Variants in DPYSL5 observed in about 807,000 individuals in gnomAD.
The protein encoded by DPYSL5 is dihydropyrimidinase like 5, also known as dihydropyrimidinase-related protein 5.
In DPYSL5, 9 loss-of-function variants were observed where a neutral mutation model predicts 58.4. The observed-to-expected ratio is 0.15, with a 90% confidence interval of 0.09 to 0.27. DPYSL5 has a LOEUF of 0.27. Ranked by LOEUF, DPYSL5 falls within the 10% of genes least tolerant of loss-of-function variation. The pLI is 1.00. For synonymous variants in DPYSL5, 293 were observed against 301.9 expected (o/e 0.97, Z 0.31); for missense variants, 499 against 770.6 (o/e 0.65, Z 4.17).
intron 1 of DPYSL5, among the ~76,000 whole-genome samples, chr2:26,850,818 T>C (rs1163607303): frequency 6.6e-6 from 1 of 152,196 alleles, no homozygotes; most frequent in Non-Finnish European, 1.5e-5. Context: ...GAGTCAGCAG[T>C]AGGCTATGTC....
chr2:26,909,995 A>G (rs1159224756), intron 2 of DPYSL5, among the ~76,000 whole-genome samples: 1 of 152,138 alleles, frequency 6.6e-6, no homozygotes, highest in Non-Finnish European at 1.5e-5. Context: ...CCATTCCTGA[A>G]AGTTTCTTTG....
chr2:26,891,405 G>T, intron 1 of DPYSL5, among the ~76,000 whole-genome samples: 1 of 152,162 alleles, frequency 6.6e-6, no homozygotes, highest in Non-Finnish European at 1.5e-5. Context: ...GGCCAGAGAG[G>T]TTCCAGGGCT....
In DPYSL5 at chr2:26,944,252, T is replaced by C. The variant is rs1665405405; in HGVS notation, c.1441-404T>C. ...GTGAGCCAAGATCGCACCACTGCAC[T>C]CCAGCATGGGCGACAGAGTGAGACT... On this transcript the variant is annotated intron_variant, in intron 11 of 12. Coordinates refer to ENST00000288699, the MANE Select transcript of DPYSL5 (RefSeq NM_020134.4). The surrounding 1 kb of genome is among the most constrained non-coding windows in gnomAD (Gnocchi z 4.4). Among the ~76,000 whole-genome samples the C allele has an allele frequency of 6.6e-6, 1 of 151,984 alleles. No individual in the cohort carries two copies. Among genetic ancestry groups the C allele is most frequent in the Non-Finnish European group, 1.5e-5 (1 of 67,978 alleles).
rs1175673760 is a variant in DPYSL5 at position 26,949,215 on chromosome 2, T to G, written c.*2220T>G. On this transcript the variant is annotated 3_prime_UTR_variant, in exon 13 of 13. Coordinates refer to ENST00000288699, the MANE Select transcript of DPYSL5 (RefSeq NM_020134.4). The stretch of plus-strand genomic sequence containing the variant: ...TAGATTTTTTTTCTCATCTTTCTTA[T>G]AAACAACCTCATGCACATTCTGTGT... 6.6e-6 allele frequency: 1 copy of G among 152,228 alleles called. No individual in the cohort carries two copies. The highest frequency in any genetic ancestry group is 1.5e-5 in the Non-Finnish European group (1 of 68,042). The allele number at this position is 152,228 out of a possible 1,614,324, so 9.4% of individuals were successfully genotyped here. A position where few individuals can be genotyped will look rare whatever the true frequency, so the allele number is the denominator to read the frequency against.
intron 1 of DPYSL5, among the ~76,000 whole-genome samples, chr2:26,869,808 G>A (rs971046464): frequency 1.3e-5 from 2 of 152,028 alleles, no homozygotes; most frequent in African/African-American, 2.4e-5. Flanking sequence ...TCAGGAGATC[G>A]AGACCATCCT....
At chr2:26,928,353 G>C in intron 5 of DPYSL5, 30 bp downstream of exon 5, 1 of 1,609,740 alleles carries the variant, frequency 6.2e-7, no homozygotes, top group Non-Finnish European at 8.5e-7. Context: ...GCCTTTGTCA[G>C]CGTCTCTCAT....
At chr2:26,858,548 CAT>C (rs1260468693) in intron 1 of DPYSL5, among the ~76,000 whole-genome samples, 1 of 151,456 alleles carries the variant, frequency 6.6e-6, no homozygotes, top group African/African-American at 2.4e-5. Flanking sequence ...TTTCATATTT[CAT>C]ATCTTTTATA....
At position 26,934,352 on chromosome 2, in the gene DPYSL5, G is replaced by A. The variant is rs1558352722; in HGVS notation, c.791-226G>A. Among the ~76,000 whole-genome samples, 1 of 152,184 alleles carries A rather than the reference G, an allele frequency of 6.6e-6. No homozygotes were observed. The highest frequency in any genetic ancestry group is 1.5e-5 in the Non-Finnish European group (1 of 68,036). On this transcript the variant is annotated intron_variant, in intron 7 of 12. Transcript: ENST00000288699. This position sits in a 1 kb window ranked among gnomAD's most constrained non-coding sequence, Gnocchi z 4.3. ...ACTCCTCAAAGTGCCGCTTGGTCCT[G>A]CTGGGCCTCGGTGCCCATGTCCCTC...
At chr2:26,848,735 C>T (rs1665662798) in intron 1 of DPYSL5, among the ~76,000 whole-genome samples, 1 of 152,234 alleles carries the variant, frequency 6.6e-6, no homozygotes, top group African/African-American at 2.4e-5. Flanking sequence ...TCCTTCTCGC[C>T]TCCGAGCTGG....
Position 26,942,771 on chromosome 2 carries a change from T to C in DPYSL5, c.1440+21T>C. The C allele has an allele frequency of 6.2e-7, 1 of 1,607,912 alleles. No homozygotes were observed. ...AGAAGGTGAGGTGGGAGGAGGAAGA[T>C]GCAGGGGTGTTGGCGCCCCCTGCCG... On this transcript the variant is annotated intron_variant, in intron 11 of 12. Coordinates refer to ENST00000288699, the MANE Select transcript of DPYSL5 (RefSeq NM_020134.4). The surrounding 1 kb of genome is among the most constrained non-coding windows in gnomAD (Gnocchi z 5.9).
rs1030127801 is a variant in DPYSL5 at position 26,933,798 on chromosome 2, G to A, written c.790+465G>A. 2.0e-5 allele frequency among the ~76,000 whole-genome samples: 3 copies of A among 152,116 alleles called. No homozygotes were observed. The highest frequency in any genetic ancestry group is 6.5e-5 in the Admixed American group (1 of 15,268). On this transcript the variant is annotated intron_variant, in intron 7 of 12. Transcript: ENST00000288699. This position sits in a 1 kb window ranked among gnomAD's most constrained non-coding sequence, Gnocchi z 4.2. ...CTCCTGGAACCCTGTGTATGAGTCC[G>A]AGGGGCACTTGTATGGCTTCTGTTG...
chr2:26,900,417 A>G (rs541493088), intron 2 of DPYSL5, among the ~76,000 whole-genome samples: 1 of 152,272 alleles, frequency 6.6e-6, no homozygotes, highest in Admixed American at 6.5e-5. Flanking sequence ...TCATAAATTC[A>G]TTCACTTTCA....
At chr2:26,864,360 T>C (rs1286342421) in intron 1 of DPYSL5, among the ~76,000 whole-genome samples, 1 of 152,250 alleles carries the variant, frequency 6.6e-6, no homozygotes, top group African/African-American at 2.4e-5. Context: ...AAAGGGGCTA[T>C]GCCTCAACAA....
At chr2:26,892,814 G>T (rs1473652182) in intron 1 of DPYSL5, among the ~76,000 whole-genome samples, 1 of 143,504 alleles carries the variant, frequency 7.0e-6, no homozygotes, top group Non-Finnish European at 1.5e-5. Flanking sequence ...AGACTTCTGG[G>T]CTTCCTGTGG....
At chr2:26,918,534 G>A (rs529402149) in intron 2 of DPYSL5, among the ~76,000 whole-genome samples, 3 of 152,124 alleles carry the variant, frequency 2.0e-5, no homozygotes, top group African/African-American at 4.8e-5. Flanking sequence ...TAATTTTAAT[G>A]TGAAAAGAAA....
intron 1 of DPYSL5, among the ~76,000 whole-genome samples, chr2:26,893,673 G>A (rs1466660060): frequency 2.0e-5 from 3 of 152,162 alleles, no homozygotes; most frequent in Admixed American, 6.5e-5. Context: ...GGATGCTGAG[G>A]ATGGGGAGCG....
rs1458386664 is a variant in DPYSL5, at chr2:26,898,729, C to T, written c.230C>T (p.Thr77Met). 11 of 1,612,270 alleles carry T rather than the reference C, an allele frequency of 6.8e-6. No homozygotes were observed. The highest frequency in any genetic ancestry group is 6.7e-5 in the Admixed American group (4 of 59,974). ...THFHQTFMNA[T>M]CVDDFYHGTK... is the part of the protein sequence containing the mutation. ...TTCCACCAGACCTTCATGAATGCCA[C>T]GTGCGTGGACGACTTCTACCATGGG... Residue 77 changes from threonine to methionine, a missense_variant, in exon 2 of 13, where the codon ACG becomes ATG. Physicochemically the swap from Thr to Met is moderately conservative, Grantham distance 81. Transcript: ENST00000288699. This position sits in a 1 kb window ranked among gnomAD's most constrained non-coding sequence, Gnocchi z 6.1.
chr2:26,882,048 A>G (rs1663579159), intron 1 of DPYSL5, among the ~76,000 whole-genome samples: 1 of 143,342 alleles, frequency 7.0e-6, no homozygotes, highest in East Asian at 2.1e-4. Context: ...CCGAGATCAC[A>G]CCACTGCACT....
chr2:26,883,653 CCT>C (rs533011411), intron 1 of DPYSL5, among the ~76,000 whole-genome samples: 153 of 152,294 alleles, frequency 1.0e-3, no homozygotes, highest in African/African-American at 3.6e-3. Context: ...CCCACTTCAG[CCT>C]CCCAAAGTGC....
Sources: gnomAD v4.1 joint callset for allele counts (sites outside exome capture counted in the v4.1 genomes callset) on GRCh38, gnomAD v4.1.1 for gene constraint, Gnocchi (gnomAD v3.1) non-coding constraint, MANE v1.5 for transcripts, NCBI Gene and HGNC (gene_info 2026-07-23, HGNC 2026-07-21) for gene names.